Variants in RAB33A observed in about 807,000 individuals in gnomAD.
RAB33A encodes ras-related protein Rab-33A.
RAB33A carries 6 observed loss-of-function variants against 12.0 expected under a neutral mutation model. The ratio of observed to expected loss-of-function variants is 0.50; its 90% CI spans 0.27 to 0.99. RAB33A has a LOEUF of 0.99. RAB33A is among the 50% of genes least tolerant of loss of function. The pLI, the probability that RAB33A is intolerant of heterozygous loss-of-function variation, is 0.11. For missense variants in RAB33A, 109 were observed against 192.0 expected (o/e 0.57, Z 2.55); for synonymous variants, 70 against 82.4 (o/e 0.85, Z 0.81).
chrX:130,171,770 T>C (rs1385798840), upstream of RAB33A: 4 of 329,712 alleles, frequency 1.2e-5, no homozygotes, highest in Non-Finnish European at 1.6e-5. Flanking sequence ...GGCAGAAGGC[T>C]CGCGGCTCGT....
chrX:130,181,705 C>T (rs1411554021), intron 1 of RAB33A, among the ~76,000 whole-genome samples: 1 of 111,960 alleles, frequency 8.9e-6, no homozygotes, highest in Non-Finnish European at 1.9e-5. Context: ...CCTGTAATCC[C>T]AGCACTTTGG....
At chrX:130,149,980 C>T in the RAB33A span, among the ~76,000 whole-genome samples, 2 of 111,905 alleles carry the variant, frequency 1.8e-5, no homozygotes, top group Non-Finnish European at 3.8e-5. Flanking sequence ...TATAGGGTCC[C>T]GGGTAGGAAG....
chrX:130,159,605 T>A, the RAB33A span, among the ~76,000 whole-genome samples: 15 of 111,014 alleles, frequency 1.4e-4, no homozygotes, highest in African/African-American at 4.6e-4. Flanking sequence ...AAAATAAATT[T>A]TTTTTGTTTT....
At chrX:130,125,343 C>T in the RAB33A span, among the ~76,000 whole-genome samples, 3 of 111,788 alleles carry the variant, frequency 2.7e-5, no homozygotes, top group South Asian at 3.7e-4. Flanking sequence ...TACGTAGAAC[C>T]AGCCAGGCAG....
chrX:130,180,182 G>A (rs1422901678), intron 1 of RAB33A, among the ~76,000 whole-genome samples: 1 of 111,594 alleles, frequency 9.0e-6, no homozygotes, highest in East Asian at 2.8e-4. Flanking sequence ...GTCAAATTAT[G>A]GCAGACAGAA....
the RAB33A span, among the ~76,000 whole-genome samples, chrX:130,130,869 T>G: frequency 1.8e-5 from 2 of 112,266 alleles, no homozygotes; most frequent in African/African-American, 6.5e-5. Flanking sequence ...CAAATAATAC[T>G]GTCCAGTCGA....
chrX:130,164,489 C>T, the RAB33A span, among the ~76,000 whole-genome samples: 1 of 112,373 alleles, frequency 8.9e-6, no homozygotes, highest in Non-Finnish European at 1.9e-5. Context: ...GTAAAAGCCT[C>T]AAGGATAACT....
At chrX:130,140,468 A>C in the RAB33A span, 7 of 942,844 alleles carry the variant, frequency 7.4e-6, no homozygotes, top group Non-Finnish European at 9.2e-6. Context: ...TTCCATAGAG[A>C]AGGCTGGACT....
the RAB33A span, among the ~76,000 whole-genome samples, chrX:130,149,736 T>G: frequency 5.4e-5 from 6 of 112,139 alleles, no homozygotes; most frequent in Non-Finnish European, 9.4e-5. Flanking sequence ...AAATACTGGG[T>G]GTGCACATGC....
chrX:130,139,685 G>A, the RAB33A span: 1 of 681,213 alleles, frequency 1.5e-6, no homozygotes. Context: ...CTGGAGAAGA[G>A]CCATAAATAG....
chrX:130,182,827 C>A (rs191686250), intron 1 of RAB33A, among the ~76,000 whole-genome samples: 1 of 111,987 alleles, frequency 8.9e-6, no homozygotes, highest in African/African-American at 3.2e-5. Flanking sequence ...ATTTTGTGAG[C>A]GTTTCTCTTA....
At chrX:130,152,777 T>C in the RAB33A span, among the ~76,000 whole-genome samples, 3 of 111,671 alleles carry the variant, frequency 2.7e-5, no homozygotes, top group African/African-American at 6.5e-5. Context: ...ATATTTACAA[T>C]CCGAGCAGCA....
chrX:130,127,195 C>A, the RAB33A span, among the ~76,000 whole-genome samples: 1 of 111,229 alleles, frequency 9.0e-6, no homozygotes, highest in South Asian at 3.8e-4. Context: ...GGACATGGAC[C>A]AAGTGGTGGC....
At chrX:130,120,425 T>G in the RAB33A span, among the ~76,000 whole-genome samples, 4 of 110,940 alleles carry the variant, frequency 3.6e-5, no homozygotes, top group African/African-American at 1.3e-4. Context: ...CTAAGTCTCA[T>G]GGGAGCCAGG....
the RAB33A span, among the ~76,000 whole-genome samples, chrX:130,150,022 G>A: frequency 4.5e-5 from 5 of 111,386 alleles, no homozygotes; most frequent in South Asian, 7.5e-4. Flanking sequence ...TCAACATTCC[G>A]GCTTTTGCTA....
At chrX:130,149,660 G>T in the RAB33A span, 1 of 686,763 alleles carries the variant, frequency 1.5e-6, no homozygotes, top group Non-Finnish European at 2.3e-6. Flanking sequence ...AGAAGCTTTT[G>T]TCTATCTGAT....
the RAB33A span, among the ~76,000 whole-genome samples, chrX:130,166,922 A>G: frequency 8.9e-6 from 1 of 112,146 alleles, no homozygotes; most frequent in Non-Finnish European, 1.9e-5. Flanking sequence ...TCAGTTTACA[A>G]TGGGTTTATT....
At chrX:130,128,726 AGAGGACAGATGTCTGGCAT>A in the RAB33A span, among the ~76,000 whole-genome samples, 1 of 112,175 alleles carries the variant, frequency 8.9e-6, no homozygotes, top group South Asian at 3.7e-4. Flanking sequence ...GGAGCTTAAG[AGAGGACAGATGTCTGGCAT>A]GAGGACAGCA....
At chrX:130,135,207 C>T in the RAB33A span, among the ~76,000 whole-genome samples, 1 of 109,313 alleles carries the variant, frequency 9.1e-6, no homozygotes, top group East Asian at 2.9e-4. Flanking sequence ...CTCACTCAGC[C>T]TCCCAAGTAG....
Sources: gnomAD v4.1 joint callset for allele counts (sites outside exome capture counted in the v4.1 genomes callset) on GRCh38, gnomAD v4.1.1 for gene constraint, MANE v1.5 for transcripts, NCBI Gene and HGNC (gene_info 2026-07-23, HGNC 2026-07-21) for gene names.